The following KDM2A variants were observed in gnomAD, a reference collection of about 807,000 sequenced individuals.
The protein encoded by KDM2A is lysine-specific demethylase 2A.
Under a neutral mutation model 137.3 loss-of-function variants are expected in KDM2A, and 3 were observed. The ratio of observed to expected loss-of-function variants is 0.02; its 90% CI spans 0.01 to 0.06. The LOEUF (loss-of-function observed/expected upper bound fraction) is 0.06, where lower values mean the gene tolerates loss of function less well. Ranked by LOEUF, KDM2A falls within the 10% of genes least tolerant of loss-of-function variation. The probability of loss-of-function intolerance (pLI) is 1.00; values close to 1 mark genes in which losing one functional copy is unlikely to be tolerated. For synonymous variants in KDM2A, 512 were observed against 541.5 expected (o/e 0.95, Z 0.76); for missense variants, 738 against 1,510.6 (o/e 0.49, Z 8.48).
At chr11:67,151,819 A>T (rs1472867629) in intron 2 of KDM2A, among the ~76,000 whole-genome samples, 2 of 152,048 alleles carry the variant, frequency 1.3e-5, no homozygotes, top group African/African-American at 4.8e-5. Context: ...TATCTAGCTT[A>T]CTATAGCCTT....
Position 67,245,746 on chromosome 11 carries a change from G to A in KDM2A, c.1834-239G>A. ...CTTCAGGTAGATTAGAAAGGACCGG[G>A]GAGGCCAAGTATAGGCCAACTGAAA... On this transcript the variant is annotated intron_variant, in intron 14 of 20. Coordinates refer to ENST00000529006, the MANE Select transcript of KDM2A (RefSeq NM_012308.3). The surrounding 1 kb of genome is among the most constrained non-coding windows in gnomAD (Gnocchi z 4.1). 1.7e-6 allele frequency: 1 copy of A among 601,098 alleles called. No homozygotes were observed. The highest frequency in any genetic ancestry group is 2.9e-6 in the Non-Finnish European group (1 of 346,758). 37.2% of individuals were successfully genotyped at this position (601,098 alleles called of 1,614,324 possible).
chr11:67,180,267 T>C (rs1389453727), intron 3 of KDM2A, 50 bp downstream of exon 3: 1 of 1,584,970 alleles, frequency 6.3e-7, no homozygotes, highest in Non-Finnish European at 8.6e-7. Flanking sequence ...TGGGAAGCCA[T>C]AGACTCTGAG....
At chr11:67,251,021 CT>C (rs1859408006) in intron 17 of KDM2A, among the ~76,000 whole-genome samples, 1 of 152,164 alleles carries the variant, frequency 6.6e-6, no homozygotes, top group Non-Finnish European at 1.5e-5. Context: ...CTGCTCTATA[CT>C]TTCCCATGTC....
chr11:67,207,885 G>A (rs1857857688), intron 6 of KDM2A, among the ~76,000 whole-genome samples, 197 bp downstream of exon 6: 1 of 152,138 alleles, frequency 6.6e-6, no homozygotes. Context: ...AAAAAAATTA[G>A]CTGGGTGTGA....
At chr11:67,179,967 A>G (rs1565391378) in intron 2 of KDM2A, 112 bp from the exon 3 acceptor site, 7 of 1,024,884 alleles carry the variant, frequency 6.8e-6, no homozygotes, top group Middle Eastern at 4.3e-4. Context: ...GGCAAGGAAA[A>G]TAGCAACTGA....
chr11:67,176,977 G>T (rs1225125795), intron 2 of KDM2A, among the ~76,000 whole-genome samples: 1 of 151,974 alleles, frequency 6.6e-6, no homozygotes, highest in African/African-American at 2.4e-5. Flanking sequence ...AATAAACTAG[G>T]CTGGGCACGG....
chr11:67,176,927 AGT>A (rs1856983276), intron 2 of KDM2A, among the ~76,000 whole-genome samples: 1 of 152,258 alleles, frequency 6.6e-6, no homozygotes, highest in South Asian at 2.1e-4. Flanking sequence ...TTTTATGAAC[AGT>A]GTTTTATTTT....
intron 2 of KDM2A, among the ~76,000 whole-genome samples, chr11:67,156,928 A>G (rs1409859639): frequency 6.6e-6 from 1 of 151,792 alleles, no homozygotes; most frequent in Non-Finnish European, 1.5e-5. Flanking sequence ...GTGCCCACAA[A>G]TAAACTCGTG....
intron 2 of KDM2A, among the ~76,000 whole-genome samples, chr11:67,129,457 G>A (rs770327961): frequency 5.3e-5 from 8 of 151,980 alleles, no homozygotes; most frequent in South Asian, 2.1e-4. Flanking sequence ...GGCATAGGCC[G>A]GGCGCGGTGG....
intron 12 of KDM2A, chr11:67,239,958 A>T: frequency 1.1e-6 from 1 of 907,338 alleles, no homozygotes; most frequent in Non-Finnish European, 1.4e-6. Context: ...CAGTTGCTGA[A>T]CACACCCCCT....
At position 67,144,403 on chromosome 11, in the gene KDM2A, C is replaced by T. The variant is rs190090162; in HGVS notation, c.42+23045C>T. ...AAGTAGCTGGGATTACAGGCATGCA[C>T]CACCATGCCTGGCTAATTTTGTATT... On this transcript the variant is annotated intron_variant, in intron 2 of 20. Transcript: ENST00000529006. 7.8e-4 allele frequency among the ~76,000 whole-genome samples: 118 copies of T among 151,914 alleles called. 2 individuals are homozygous for T. The highest frequency in any genetic ancestry group is 2.8e-3 in the African/African-American group (115 of 41,444).
rs547703295 is a variant in KDM2A at position 67,133,987 on chromosome 11, C to G, written c.42+12629C>G. ...GATTAGAGGCGTGAGCCACCATGCC[C>G]GGCACCAACTGTGGTTTTAAACAAG... On this transcript the variant is annotated intron_variant, in intron 2 of 20. Coordinates refer to ENST00000529006, the MANE Select transcript of KDM2A (RefSeq NM_012308.3). 2.0e-5 allele frequency among the ~76,000 whole-genome samples: 3 copies of G among 152,276 alleles called. No homozygotes were observed. The South Asian group carries it at 6.2e-4, about 32-fold the overall frequency.
chr11:67,121,189 G>C (rs1855590858), intron 1 of KDM2A, 45 bp from the exon 2 acceptor site: 2 of 707,558 alleles, frequency 2.8e-6, no homozygotes, highest in Non-Finnish European at 4.9e-6. Context: ...GAAAGCACAA[G>C]TTTGAGAATG....
At chr11:67,125,266 G>A (rs1855694435) in intron 2 of KDM2A, among the ~76,000 whole-genome samples, 1 of 150,700 alleles carries the variant, frequency 6.6e-6, no homozygotes, top group African/African-American at 2.4e-5. Flanking sequence ...TTGCAGCCTC[G>A]ACATCCTGGT....
intron 5 of KDM2A, among the ~76,000 whole-genome samples, chr11:67,190,011 A>G (rs1328993884): frequency 2.0e-5 from 3 of 152,356 alleles, no homozygotes; most frequent in East Asian, 1.9e-4. Flanking sequence ...GAGAAAAGTC[A>G]AAGAAACCAA....
At chr11:67,190,587 C>T (rs1020390566) in intron 5 of KDM2A, among the ~76,000 whole-genome samples, 29 of 152,026 alleles carry the variant, frequency 1.9e-4, no homozygotes, top group African/African-American at 7.0e-4. Context: ...TGGTGAAACC[C>T]TGTCTCTACT....
chr11:67,150,001 C>T (rs996962992), intron 2 of KDM2A, among the ~76,000 whole-genome samples: 3 of 152,088 alleles, frequency 2.0e-5, no homozygotes, highest in Non-Finnish European at 4.4e-5. Flanking sequence ...GGATTACAGG[C>T]GTGAGCCACT....
chr11:67,250,624 A>C lies in KDM2A; in HGVS notation c.2594A>C (p.Glu865Ala). 1 of 1,613,072 alleles carries C rather than the reference A, an allele frequency of 6.2e-7. No homozygotes were observed. The highest frequency in any genetic ancestry group is 8.5e-7 in the Non-Finnish European group (1 of 1,179,270). ...GAGGAGGAAGAGGAGGAGGAGGAGG[A>C]GGAAGATGACAGTGCAGAGGAGGGG... ...GEEEEEEEEE[E>A]EDDSAEEGGA... The change falls in exon 17 of 21, where the codon GAG (glutamate) becomes GCG (alanine). Residue 865 changes from glutamate (E) to alanine (A), a missense_variant. Transcript: ENST00000529006. The surrounding 1 kb of genome is among the most constrained non-coding windows in gnomAD (Gnocchi z 7.1).
chr11:67,171,502 A>G lies in KDM2A; in HGVS notation c.43-8577A>G, dbSNP rs1180554558. On this transcript the variant is annotated intron_variant, in intron 2 of 20. Transcript: ENST00000529006. ...AAGTTGAGATCTGAGAGGTTAAATG[A>G]TTTATTAAACTGCCTATAGTTGCAC... is the stretch of plus-strand genomic sequence containing the variant. Among the ~76,000 whole-genome samples, 5 of 152,150 alleles carry G rather than the reference A, an allele frequency of 3.3e-5. No individual in the cohort carries two copies. The East Asian group carries it at 9.6e-4, about 29-fold the overall frequency.
Sources: allele counts gnomAD v4.1 joint callset (sites outside exome capture counted in the v4.1 genomes callset), GRCh38; gene constraint gnomAD v4.1.1; non-coding constraint Gnocchi (gnomAD v3.1); transcripts MANE v1.5; gene names NCBI Gene and HGNC (gene_info 2026-07-23, HGNC 2026-07-21).